Variants in GATAD1 observed in about 807,000 individuals in gnomAD.
GATAD1 encodes GATA zinc finger domain containing 1, also known as GATA zinc finger domain-containing protein 1.
GATAD1 carries 12 observed loss-of-function variants against 26.5 expected under a neutral mutation model. That is an observed-to-expected ratio of 0.45 (90% CI 0.29 to 0.73). GATAD1 has a LOEUF of 0.73. Among genes scored for constraint, GATAD1 ranks in the 30% least tolerant of loss-of-function variants. The pLI is 0.10. For synonymous variants in GATAD1, 129 were observed against 133.1 expected, an observed-to-expected ratio of 0.97 and a Z score of 0.21; for missense variants, 266 against 342.1, an observed-to-expected ratio of 0.78 and a Z score of 1.75.
At chr7:92,470,295 G>A in the GATAD1 span, 1 of 778,204 alleles carries the variant, frequency 1.3e-6, no homozygotes, top group East Asian at 2.4e-5. Context: ...GGGAGCTACT[G>A]GTCATACAGC....
downstream of GATAD1, among the ~76,000 whole-genome samples, chr7:92,464,137 A>G (rs748505952): frequency 9.2e-5 from 14 of 152,086 alleles, no homozygotes; most frequent in Non-Finnish European, 1.9e-4. Context: ...GGTAGGTGAA[A>G]AACTCTTAAA....
At chr7:92,470,147 A>C in the GATAD1 span, 2 of 778,756 alleles carry the variant, frequency 2.6e-6, no homozygotes, top group African/African-American at 1.7e-5. Flanking sequence ...GCATGCATGC[A>C]AAGAGTGGCA....
the GATAD1 span, chr7:92,489,972 G>A: frequency 1.6e-6 from 2 of 1,241,146 alleles, no homozygotes; most frequent in Non-Finnish European, 2.4e-6. Context: ...AAAACTATGT[G>A]TTTACCAAAT....
Position 92,456,734 on chromosome 7 carries a change from T to C in GATAD1, c.*172T>C, listed in dbSNP as rs1224755317. 1 of 486,902 alleles carries C rather than the reference T, an allele frequency of 2.1e-6. No individual in the cohort carries two copies. The highest frequency in any genetic ancestry group is 3.6e-6 in the Non-Finnish European group (1 of 278,692). 30.2% of individuals were successfully genotyped at this position (486,902 alleles called of 1,614,324 possible). A position where few individuals can be genotyped will look rare whatever the true frequency, so the allele number is the denominator to read the frequency against. ...AATATTCTTAGTACCACAAGATATG[T>C]CATAGGTATCTTTAAATGAAATTCT... On this transcript the variant is annotated 3_prime_UTR_variant, in exon 5 of 5. Coordinates refer to ENST00000287957, the MANE Select transcript of GATAD1 (RefSeq NM_021167.5).
At position 92,458,574 on chromosome 7, in the gene GATAD1, G is replaced by A. The variant is rs1789786221; in HGVS notation, c.*2012G>A. ...GGTGTACTCACTTGCCTCCTCTTTT[G>A]TCCTGATTTAACCAGCATTTTTCAA... On this transcript the variant is annotated 3_prime_UTR_variant, in exon 5 of 5. Transcript: ENST00000287957. The A allele has an allele frequency of 6.6e-6, 1 of 152,152 alleles. No individual in the cohort carries two copies. The highest frequency in any genetic ancestry group is 2.4e-5 in the African/African-American group (1 of 41,440). The allele number at this position is 152,152 out of a possible 1,614,324, so 9.4% of individuals were successfully genotyped here.
intron 4 of GATAD1, among the ~76,000 whole-genome samples, chr7:92,455,064 C>T (rs1789610137): frequency 6.6e-6 from 1 of 151,128 alleles, no homozygotes; most frequent in Non-Finnish European, 1.5e-5. Flanking sequence ...CTCCAAGTAC[C>T]ATCACATTGG....
chr7:92,451,643 A>AC (rs1789435520), intron 3 of GATAD1, among the ~76,000 whole-genome samples: 2 of 152,198 alleles, frequency 1.3e-5, no homozygotes, highest in Non-Finnish European at 2.9e-5. Flanking sequence ...GGCTGGGAAA[A>AC]ACCAACAACA....
the GATAD1 span, among the ~76,000 whole-genome samples, chr7:92,466,974 G>C: frequency 4.6e-5 from 7 of 152,044 alleles, no homozygotes; most frequent in African/African-American, 1.7e-4. Flanking sequence ...ACATTCCTAG[G>C]TCATAAAGCT....
At chr7:92,462,552 A>G (rs913576779), downstream of GATAD1, among the ~76,000 whole-genome samples, 2 of 152,240 alleles carry the variant, frequency 1.3e-5, no homozygotes, top group Non-Finnish European at 2.9e-5. Flanking sequence ...AAAAAATACA[A>G]CTTTAAAATA....
downstream of GATAD1, among the ~76,000 whole-genome samples, chr7:92,462,496 A>T (rs1296446088): frequency 1.3e-5 from 2 of 152,230 alleles, no homozygotes; most frequent in African/African-American, 2.4e-5. Context: ...GCTTTTAAAA[A>T]TTTTGAAGTT....
At chr7:92,465,781 A>T in the GATAD1 span, among the ~76,000 whole-genome samples, 1 of 152,234 alleles carries the variant, frequency 6.6e-6, no homozygotes, top group Non-Finnish European at 1.5e-5. Context: ...TTGGGGGATC[A>T]CCTGAGGCCT....
chr7:92,469,103 G>T, the GATAD1 span: 1 of 653,010 alleles, frequency 1.5e-6, no homozygotes. Flanking sequence ...TCTGCTCTAC[G>T]TTGTATTCGA....
chr7:92,468,872 G>A, the GATAD1 span: 18 of 764,350 alleles, frequency 2.4e-5, no homozygotes, highest in East Asian at 4.8e-5. Flanking sequence ...CTAGCAGGCC[G>A]GTCCAGGGGT....
downstream of GATAD1, among the ~76,000 whole-genome samples, chr7:92,464,223 GA>G (rs1286395293): frequency 6.6e-6 from 1 of 152,190 alleles, no homozygotes; most frequent in Non-Finnish European, 1.5e-5. Context: ...GCTAGGTGGA[GA>G]TTTGCATGTG....
At chr7:92,489,647 T>G in the GATAD1 span, 1 of 1,403,104 alleles carries the variant, frequency 7.1e-7, no homozygotes, top group African/African-American at 1.4e-5. Flanking sequence ...CAAAGAAATA[T>G]ATATCAAAAG....
At chr7:92,492,232 G>A in the GATAD1 span, among the ~76,000 whole-genome samples, 1,089 of 152,170 alleles carry the variant, frequency 7.2e-3, 8 homozygotes, top group Non-Finnish European at 9.9e-3. Context: ...CTGCATCCTG[G>A]ATTTACTCAA....
At chr7:92,489,758 C>T in the GATAD1 span, 6 of 1,614,148 alleles carry the variant, frequency 3.7e-6, no homozygotes, top group Non-Finnish European at 4.2e-6. Flanking sequence ...CTGATATCTG[C>T]CCTCAGTTGA....
At chr7:92,489,373 A>G in the GATAD1 span, 10 of 1,611,562 alleles carry the variant, frequency 6.2e-6, no homozygotes, top group African/African-American at 9.3e-5. Flanking sequence ...GTGACTGACT[A>G]ATAGCCAGTC....
the GATAD1 span, chr7:92,491,260 T>C: frequency 1.3e-6 from 2 of 1,534,140 alleles, no homozygotes; most frequent in Non-Finnish European, 9.0e-7. Flanking sequence ...TAATGATGAC[T>C]GCACAAGATA....
Sources: gnomAD v4.1 joint callset for allele counts (sites outside exome capture counted in the v4.1 genomes callset) on GRCh38, gnomAD v4.1.1 for gene constraint, MANE v1.5 for transcripts, NCBI Gene and HGNC (gene_info 2026-07-23, HGNC 2026-07-21) for gene names.